The following FAM13C variants were observed in gnomAD, a reference collection of about 807,000 sequenced individuals.
FAM13C encodes family with sequence similarity 13 member C, also known as protein FAM13C.
In FAM13C, 37 loss-of-function variants were observed where a neutral mutation model predicts 73.2. The ratio of observed to expected loss-of-function variants is 0.51; its 90% CI spans 0.39 to 0.67. FAM13C has a LOEUF of 0.67. Among genes scored for constraint, FAM13C ranks in the 30% least tolerant of loss-of-function variants. The pLI is 0.00. For missense variants in FAM13C, 589 were observed against 715.6 expected, an observed-to-expected ratio of 0.82 and a Z score of 2.02; for synonymous variants, 246 against 260.9, an observed-to-expected ratio of 0.94 and a Z score of 0.55.
intron 4 of FAM13C, among the ~76,000 whole-genome samples, chr10:59,312,663 C>T (rs1235767291): frequency 6.6e-6 from 1 of 152,208 alleles, no homozygotes; most frequent in African/African-American, 2.4e-5. Context: ...CTGACATCAT[C>T]TGGTACATTC....
chr10:59,283,245 G>C, intron 6 of FAM13C, 118 bp downstream of exon 6: 4 of 1,049,288 alleles, frequency 3.8e-6, no homozygotes, highest in Non-Finnish European at 5.7e-6. Context: ...CACCTCTTGG[G>C]CTTTCATGTT....
intron 3 of FAM13C, among the ~76,000 whole-genome samples, chr10:59,326,679 T>A (rs1034273618): frequency 6.6e-6 from 1 of 152,136 alleles, no homozygotes; most frequent in African/African-American, 2.4e-5. Flanking sequence ...TATCTCCTTA[T>A]GGAAGGATCA....
chr10:59,297,900 C>A (rs200082206), intron 5 of FAM13C, among the ~76,000 whole-genome samples: 8 of 148,816 alleles, frequency 5.4e-5, no homozygotes, highest in Non-Finnish European at 7.4e-5. Flanking sequence ...ACTCTGGGGA[C>A]AAAAAAAAAA....
rs116723202 is a variant in FAM13C, at chr10:59,260,091, C to T, written c.1236+2343G>A. Among the ~76,000 whole-genome samples, 919 of 151,190 alleles carry T rather than the reference C, an allele frequency of 6.1e-3. 9 individuals are homozygous for T. Among genetic ancestry groups the T allele is most frequent in the African/African-American group, 0.018 (742 of 41,152 alleles). ...CGGATTTTTTTTTTTGCCTTCATTT[C>T]CTCCCATCTAATGCTTCAACATGTC... is the stretch of plus-strand genomic sequence containing the variant. On this transcript the variant is annotated intron_variant, in intron 10 of 13. Transcript: ENST00000618804.
At chr10:59,325,946 A>G (rs1489765652) in intron 3 of FAM13C, among the ~76,000 whole-genome samples, 1 of 152,184 alleles carries the variant, frequency 6.6e-6, no homozygotes, top group Non-Finnish European at 1.5e-5. Context: ...CAATATATGT[A>G]GGCATTAAGA....
At chr10:59,314,913 T>C (rs1849349258) in intron 4 of FAM13C, among the ~76,000 whole-genome samples, 1 of 152,176 alleles carries the variant, frequency 6.6e-6, no homozygotes, top group Non-Finnish European at 1.5e-5. Flanking sequence ...AAATCATCTG[T>C]AGTATTTGGT....
At chr10:59,317,149 TG>T in intron 4 of FAM13C, among the ~76,000 whole-genome samples, 1 of 151,852 alleles carries the variant, frequency 6.6e-6, no homozygotes, top group Non-Finnish European at 1.5e-5. Context: ...TGTGTGTGTG[TG>T]TGTGTAGTAT....
chr10:59,346,881 G>A (rs1854360615), intron 3 of FAM13C, among the ~76,000 whole-genome samples: 1 of 152,060 alleles, frequency 6.6e-6, no homozygotes, highest in African/African-American at 2.4e-5. Context: ...TATCTAATTA[G>A]ATATCACATA....
intron 4 of FAM13C, among the ~76,000 whole-genome samples, chr10:59,315,761 A>C (rs1180726104): frequency 6.6e-6 from 1 of 152,158 alleles, no homozygotes; most frequent in Non-Finnish European, 1.5e-5. Context: ...ATACACAAGG[A>C]AGGGGAAGAG....
At chr10:59,296,860 G>C (rs943147325) in intron 5 of FAM13C, 3 of 152,150 alleles carry the variant, frequency 2.0e-5, no homozygotes, top group African/African-American at 7.2e-5. Flanking sequence ...TTTTGATAAA[G>C]TCAATACTAA....
rs1267881377 is a variant in FAM13C at position 59,324,039 on chromosome 10, C to T, written c.392G>A (p.Ser131Asn). The change falls in exon 4 of 14, where the codon AGT becomes AAT. Residue 131 changes from serine (S) to asparagine (N), a missense_variant. Ser to Asn is a conservative substitution (Grantham distance 46). Transcript: ENST00000618804. ...QVRAGTPAHE[S>N]PQNNAFKCQE... ...GCACTTGAAGGCATTGTTTTGTGGACTCTCATGAGCTGGTGTTCCTGCTCT... is the reference window on the plus strand; with the variant it reads ...GCACTTGAAGGCATTGTTTTGTGGATTCTCATGAGCTGGTGTTCCTGCTCT... 6.2e-7 allele frequency: 1 copy of T among 1,614,064 alleles called. No individual in the cohort carries two copies. Among genetic ancestry groups the T allele is most frequent in the African/African-American group, 1.3e-5 (1 of 75,034 alleles).
chr10:59,351,369 G>C (rs965371906), intron 3 of FAM13C, among the ~76,000 whole-genome samples: 1 of 149,272 alleles, frequency 6.7e-6, no homozygotes, highest in African/African-American at 2.5e-5. Flanking sequence ...TATGTATCAG[G>C]GATTTTAATA....
intron 3 of FAM13C, among the ~76,000 whole-genome samples, chr10:59,348,327 C>T (rs1016492958): frequency 3.3e-5 from 5 of 152,150 alleles, no homozygotes; most frequent in Non-Finnish European, 7.3e-5. Context: ...ATAAATCCAC[C>T]TTTACAAACA....
Position 59,361,672 on chromosome 10 carries a change from C to G in FAM13C, c.62+727G>C, listed in dbSNP as rs189927797. 1.2e-3 allele frequency among the ~76,000 whole-genome samples: 183 copies of G among 151,954 alleles called. 3 individuals are homozygous for G. The highest frequency in any genetic ancestry group is 8.8e-3 in the Admixed American group (135 of 15,262). On this transcript the variant is annotated intron_variant, in intron 1 of 13. Coordinates refer to ENST00000618804, the MANE Select transcript of FAM13C (RefSeq NM_198215.4). The stretch of plus-strand genomic sequence containing the variant: ...AAATACACTACCTGTTAATTTTTAA[C>G]AAATATAGTATAATATTAGGAAAAC...
At chr10:59,359,195 T>C (rs917764097) in intron 1 of FAM13C, among the ~76,000 whole-genome samples, 3 of 152,220 alleles carry the variant, frequency 2.0e-5, no homozygotes, top group African/African-American at 7.2e-5. Flanking sequence ...GTAGGAATTA[T>C]CTTTGCACCT....
intron 4 of FAM13C, among the ~76,000 whole-genome samples, chr10:59,314,334 A>G (rs1849278892): frequency 1.3e-5 from 2 of 152,208 alleles, no homozygotes; most frequent in Admixed American, 1.3e-4. Context: ...CTGAACATGC[A>G]GTTCATTTAA....
intron 3 of FAM13C, among the ~76,000 whole-genome samples, chr10:59,336,797 C>A (rs777520225): frequency 1.7e-4 from 26 of 152,162 alleles, no homozygotes; most frequent in Non-Finnish European, 3.7e-4. Context: ...GCTGTTAGAA[C>A]TTAGAAATAG....
rs952953371 is a variant in FAM13C, at chr10:59,250,579, G to A, written c.1634+996C>T. On this transcript the variant is annotated intron_variant, in intron 13 of 13. Transcript: ENST00000618804. The stretch of plus-strand genomic sequence containing the variant: ...AGGGACTAAGAGGTAAGTAGACCAC[G>A]CATGAGAGTTTCAAGGTGCTTTTGG... Among the ~76,000 whole-genome samples the A allele has an allele frequency of 2.6e-5, 4 of 152,156 alleles. No homozygotes were observed. The East Asian group carries it at 5.8e-4, about 22-fold the overall frequency.
At chr10:59,294,712 A>C (rs2133806819) in intron 5 of FAM13C, among the ~76,000 whole-genome samples, 1 of 152,342 alleles carries the variant, frequency 6.6e-6, no homozygotes, top group South Asian at 2.1e-4. Context: ...TAGTATTCAC[A>C]CCGTGAACAT....
Sources: gnomAD v4.1 joint callset for allele counts (sites outside exome capture counted in the v4.1 genomes callset) on GRCh38, gnomAD v4.1.1 for gene constraint, MANE v1.5 for transcripts, NCBI Gene and HGNC (gene_info 2026-07-23, HGNC 2026-07-21) for gene names.